Variants in PIK3R1 observed in about 807,000 individuals in gnomAD.
The protein encoded by PIK3R1 is phosphatidylinositol 3-kinase regulatory subunit alpha.
Under a neutral mutation model 98.0 loss-of-function variants are expected in PIK3R1, and 29 were observed. The observed-to-expected ratio is 0.30, with a 90% CI of 0.22 to 0.40. The LOEUF (loss-of-function observed/expected upper bound fraction) is 0.40, where lower values mean the gene tolerates loss of function less well. PIK3R1 is among the 10% of genes least tolerant of loss of function. PIK3R1 has a pLI of 1.00. For missense variants in PIK3R1, 596 were observed against 872.7 expected, an observed-to-expected ratio of 0.68 and a Z score of 3.99; for synonymous variants, 282 against 311.8, an observed-to-expected ratio of 0.90 and a Z score of 1.01.
At chr5:68,261,499 CTT>C (rs201468187) in intron 2 of PIK3R1, among the ~76,000 whole-genome samples, 5 of 151,606 alleles carry the variant, frequency 3.3e-5, no homozygotes, top group African/African-American at 9.7e-5. Flanking sequence ...AATCAATACT[CTT>C]TTAAAAAAAA....
intron 2 of PIK3R1, among the ~76,000 whole-genome samples, chr5:68,252,384 A>AAT (rs397949988): frequency 1.3e-5 from 2 of 150,862 alleles, no homozygotes; most frequent in African/African-American, 4.9e-5. Context: ...AAAAAAAAAA[A>AAT]GTGGGGGGAT....
intron 2 of PIK3R1, among the ~76,000 whole-genome samples, chr5:68,264,266 C>G (rs1447975853): frequency 6.6e-6 from 1 of 152,212 alleles, no homozygotes; most frequent in African/African-American, 2.4e-5. Context: ...AAATGCACCT[C>G]TTGTCACTAA....
intron 2 of PIK3R1, among the ~76,000 whole-genome samples, chr5:68,254,577 G>A (rs1745439258): frequency 6.6e-6 from 1 of 152,172 alleles, no homozygotes; most frequent in African/African-American, 2.4e-5. Flanking sequence ...GTGACCTCAT[G>A]TCAAGAATTC....
chr5:68,280,420 G>C (rs958268496), intron 5 of PIK3R1, 108 bp from the exon 6 acceptor site: 1 of 749,894 alleles, frequency 1.3e-6, no homozygotes, highest in African/African-American at 1.7e-5. Context: ...CTTTTTAAAT[G>C]ACTCCTATAG....
rs1222236116 is a variant in PIK3R1 at position 68,262,798 on chromosome 5, TAG to T, written c.335-10590_335-10589del. 5.3e-4 allele frequency among the ~76,000 whole-genome samples: 3 copies of T among 5,642 alleles called. 1 individual carries two copies. Among genetic ancestry groups the T allele is most frequent in the African/African-American group, 5.7e-3 (2 of 352 alleles). 3.7% of individuals were successfully genotyped at this position (5,642 alleles called of 152,430 possible). A position where few individuals can be genotyped will look rare whatever the true frequency, so the allele number is the denominator to read the frequency against. On this transcript the variant is annotated intron_variant, in intron 2 of 15. Transcript: ENST00000521381. ...AGATGCATGTAGATACATGTATACGTAGATACATGTATACATGTAGATACATG... is the reference window on the plus strand; with the variant it reads ...AGATGCATGTAGATACATGTATACGTATACATGTATACATGTAGATACATG...
At chr5:68,274,451 C>A (rs1194806016) in intron 4 of PIK3R1, among the ~76,000 whole-genome samples, 2 of 152,196 alleles carry the variant, frequency 1.3e-5, no homozygotes, top group African/African-American at 4.8e-5. Context: ...CCTTTCCCTT[C>A]CATTTTCCTT....
chr5:68,262,244 T>A (rs553208812), intron 2 of PIK3R1, among the ~76,000 whole-genome samples: 78 of 151,732 alleles, frequency 5.1e-4, no homozygotes, highest in Non-Finnish European at 1.0e-3. Flanking sequence ...TTAGCTGTAG[T>A]CTATATTGAC....
intron 2 of PIK3R1, among the ~76,000 whole-genome samples, chr5:68,247,020 G>A (rs970128631): frequency 2.6e-5 from 4 of 152,156 alleles, no homozygotes; most frequent in Non-Finnish European, 5.9e-5. Flanking sequence ...TAAAAAGGAA[G>A]AACTAAAACT....
chr5:68,295,114 C>T lies in PIK3R1; in HGVS notation c.1569-34C>T, dbSNP rs571567829. 1.1e-5 allele frequency: 18 copies of T among 1,587,012 alleles called. 1 individual carries two copies. The African/African-American group carries it at 2.3e-4, about 20-fold the overall frequency. On this transcript the variant is annotated intron_variant, in intron 12 of 15. Coordinates refer to ENST00000521381, the MANE Select transcript of PIK3R1 (RefSeq NM_181523.3). ...CTTTGGGGACCGTTCCTGATGTACCCAGATAATAACAAATACGTTTCTTTT... is the reference window on the plus strand; with the variant it reads ...CTTTGGGGACCGTTCCTGATGTACCTAGATAATAACAAATACGTTTCTTTT...
intron 2 of PIK3R1, among the ~76,000 whole-genome samples, chr5:68,271,154 G>A (rs764774566): frequency 6.6e-6 from 1 of 152,138 alleles, no homozygotes; most frequent in Non-Finnish European, 1.5e-5. Flanking sequence ...TGAAGATTTA[G>A]GGTGGTACCT....
At chr5:68,288,789 A>G (rs768925632) in intron 7 of PIK3R1, 3 of 1,597,896 alleles carry the variant, frequency 1.9e-6, no homozygotes, top group Non-Finnish European at 2.6e-6. Flanking sequence ...TCTGTTCCTT[A>G]TCTGAGCGGT....
chr5:68,259,214 A>G (rs1383698278), intron 2 of PIK3R1, among the ~76,000 whole-genome samples: 1 of 152,194 alleles, frequency 6.6e-6, no homozygotes, highest in African/African-American at 2.4e-5. Flanking sequence ...CTGCTTAATA[A>G]TTTTTATATT....
At chr5:68,271,562 T>C (rs1240472928) in intron 2 of PIK3R1, among the ~76,000 whole-genome samples, 2 of 146,504 alleles carry the variant, frequency 1.4e-5, no homozygotes, top group Non-Finnish European at 3.0e-5. Context: ...CACCTATGGT[T>C]GTTTCCATTT....
rs1389187507 is a variant in PIK3R1, at chr5:68,296,302, G to A, written c.1946G>A (p.Arg649Gln). 2.5e-6 allele frequency: 4 copies of A among 1,614,010 alleles called. No individual in the cohort carries two copies. Among genetic ancestry groups the A allele is most frequent in the African/African-American group, 1.3e-5 (1 of 74,910 alleles). ...RGKRDGTFLV[R>Q]ESSKQGCYAC... The stretch of plus-strand genomic sequence containing the variant: ...AAGCGAGATGGCACTTTTCTTGTCC[G>A]GGAGAGCAGTAAACAGGGCTGCTAT... The change falls in exon 15 of 16, where the codon CGG becomes CAG. Residue 649 changes from arginine to glutamine, a missense_variant. Arg to Gln is a conservative substitution (Grantham distance 43). Around this residue, in one of 3 missense-constraint regions of PIK3R1, gnomAD observed 207 missense variants for 361.4 expected, o/e 0.57. Coordinates refer to ENST00000521381, the MANE Select transcript of PIK3R1 (RefSeq NM_181523.3).
intron 2 of PIK3R1, among the ~76,000 whole-genome samples, chr5:68,267,252 A>C (rs1746159472): frequency 6.6e-6 from 1 of 152,230 alleles, no homozygotes; most frequent in African/African-American, 2.4e-5. Context: ...CTTGCATTTC[A>C]GTTACCTCCT....
In PIK3R1 at chr5:68,263,135, AC is replaced by A. The variant is rs1745958634; in HGVS notation, c.335-10254del. On this transcript the variant is annotated intron_variant, in intron 2 of 15. Transcript: ENST00000521381. ...TACATAGATATATAGATACATAGAT[AC>A]ATATATATTTATATATGTACATATA... is the stretch of plus-strand genomic sequence containing the variant. Among the ~76,000 whole-genome samples the A allele has an allele frequency of 2.6e-5, 2 of 77,990 alleles. 1 individual carries two copies. Among genetic ancestry groups the A allele is most frequent in the Non-Finnish European group, 5.3e-5 (2 of 37,478 alleles). 51.2% of individuals were successfully genotyped at this position (77,990 alleles called of 152,430 possible).
At chr5:68,276,775 C>A (rs1049403709) in intron 4 of PIK3R1, among the ~76,000 whole-genome samples, 1 of 152,144 alleles carries the variant, frequency 6.6e-6, no homozygotes, top group Non-Finnish European at 1.5e-5. Flanking sequence ...TATGAAAGTT[C>A]TTTTGATATA....
At position 68,300,099 on chromosome 5, in the gene PIK3R1, CAGT is replaced by C. The variant is rs1395344441; in HGVS notation, c.*2499_*2501del. 1 of 233,044 alleles carries C rather than the reference CAGT, an allele frequency of 4.3e-6. No individual in the cohort carries two copies. The highest frequency in any genetic ancestry group is 8.5e-6 in the Non-Finnish European group (1 of 118,002). 14.4% of individuals were successfully genotyped at this position (233,044 alleles called of 1,614,324 possible). A position where few individuals can be genotyped will look rare whatever the true frequency, so the allele number is the denominator to read the frequency against. ...GATTGAATATTTTCATTAAAAGCTACAGTTTTGTGAATCTTTGTGCTTCAACAT... is the reference window on the plus strand; with the variant it reads ...GATTGAATATTTTCATTAAAAGCTACTTTGTGAATCTTTGTGCTTCAACAT... On this transcript the variant is annotated 3_prime_UTR_variant, in exon 16 of 16. Transcript: ENST00000521381.
In PIK3R1 at chr5:68,262,831, A is replaced by G. The variant is rs1257262433; in HGVS notation, c.335-10559A>G. Among the ~76,000 whole-genome samples, 5 of 123,372 alleles carry G rather than the reference A, an allele frequency of 4.1e-5. 1 individual carries two copies. Among genetic ancestry groups the G allele is most frequent in the South Asian group, 2.7e-4 (1 of 3,666 alleles). 80.9% of individuals were successfully genotyped at this position (123,372 alleles called of 152,430 possible). A position where few individuals can be genotyped will look rare whatever the true frequency, so the allele number is the denominator to read the frequency against. On this transcript the variant is annotated intron_variant, in intron 2 of 15. Transcript: ENST00000521381. ...TGTATACATGTAGATACATGTAGATACATGTATACATGTAGATACATGTAG... is the reference window on the plus strand; with the variant it reads ...TGTATACATGTAGATACATGTAGATGCATGTATACATGTAGATACATGTAG...
Sources: allele counts gnomAD v4.1 joint callset (sites outside exome capture counted in the v4.1 genomes callset), GRCh38; gene constraint gnomAD v4.1.1; regional missense constraint gnomAD v4.1.1; transcripts MANE v1.5; gene names NCBI Gene and HGNC (gene_info 2026-07-23, HGNC 2026-07-21).